The following DGKB variants were observed in gnomAD, a reference collection of about 807,000 sequenced individuals.
The protein encoded by DGKB is diacylglycerol kinase beta.
In DGKB, 67 loss-of-function variants were observed where a neutral mutation model predicts 114.3. The ratio of observed to expected loss-of-function variants is 0.59; its 90% CI spans 0.48 to 0.72. The LOEUF (loss-of-function observed/expected upper bound fraction) is 0.72, where lower values mean the gene tolerates loss of function less well. DGKB is among the 30% of genes least tolerant of loss of function. The pLI is 0.00. For missense variants in DGKB, 907 were observed against 975.2 expected, an observed-to-expected ratio of 0.93 and a Z score of 0.93; for synonymous variants, 398 against 323.1, an observed-to-expected ratio of 1.23 and a Z score of -2.49.
At chr7:14,875,257 T>C (rs1337861843) in intron 1 of DGKB, among the ~76,000 whole-genome samples, 1 of 152,164 alleles carries the variant, frequency 6.6e-6, no homozygotes, top group Non-Finnish European at 1.5e-5. Context: ...CATACCTCTA[T>C]ATTTATTTGC....
At chr7:14,260,087 TACAC>T (rs60392482) in intron 23 of DGKB, among the ~76,000 whole-genome samples, 91 of 150,838 alleles carry the variant, frequency 6.0e-4, no homozygotes, top group African/African-American at 1.2e-3. Context: ...TACATATGTG[TACAC>T]ACACACACAC....
intron 1 of DGKB, among the ~76,000 whole-genome samples, chr7:14,941,689 G>A (rs1381515040): frequency 5.9e-5 from 9 of 151,846 alleles, no homozygotes; most frequent in Non-Finnish European, 1.2e-4. Context: ...TTGAGAAACC[G>A]GGTAGCAAAA....
At chr7:14,626,456 C>T (rs1808607806) in intron 14 of DGKB, among the ~76,000 whole-genome samples, 1 of 152,198 alleles carries the variant, frequency 6.6e-6, no homozygotes, top group African/African-American at 2.4e-5. Context: ...AGCTAGGCCA[C>T]ATGAATTTTC....
At chr7:14,810,471 T>A (rs1004576743) in intron 2 of DGKB, among the ~76,000 whole-genome samples, 1 of 152,196 alleles carries the variant, frequency 6.6e-6, no homozygotes, top group African/African-American at 2.4e-5. Flanking sequence ...AGTAGCCATA[T>A]CAGAAACATA....
intron 2 of DGKB, among the ~76,000 whole-genome samples, chr7:14,794,959 T>C (rs1253703055): frequency 6.6e-6 from 1 of 152,116 alleles, no homozygotes; most frequent in African/African-American, 2.4e-5. Flanking sequence ...TGGCCTTACA[T>C]TGCCTAAGGA....
intron 23 of DGKB, among the ~76,000 whole-genome samples, chr7:14,185,427 A>G (rs1438531105): frequency 2.6e-5 from 4 of 152,188 alleles, no homozygotes; most frequent in Non-Finnish European, 4.4e-5. Flanking sequence ...ATATTGTGAA[A>G]ATGACCATAC....
At position 14,689,211 on chromosome 7, in the gene DGKB, T is replaced by TTTTTTTTTA. The variant is rs1563917722; in HGVS notation, c.712-3850_712-3849insTAAAAAAAA. On this transcript the variant is annotated intron_variant, in intron 9 of 25. Transcript: ENST00000402815. Reference sequence around the variant, plus strand: ...AGAAACTCCTCTTATTTTTTTTTTTTTTTTTTTTTTTTTGAGAGGAGTCTC... The same window carrying TTTTTTTTTA: ...AGAAACTCCTCTTATTTTTTTTTTTTTTTTTTTTATTTTTTTTTTTTTGAGAGGAGTCTC... Among the ~76,000 whole-genome samples the TTTTTTTTTA allele has an allele frequency of 1.4e-4, 18 of 129,784 alleles. 1 individual carries two copies. The East Asian group carries it at 1.8e-3, about 13-fold the overall frequency. 85.1% of individuals were successfully genotyped at this position (129,784 alleles called of 152,430 possible).
chr7:14,246,633 C>G (rs955334529), intron 23 of DGKB, among the ~76,000 whole-genome samples: 2 of 152,088 alleles, frequency 1.3e-5, no homozygotes, highest in African/African-American at 4.8e-5. Context: ...GTAACTTTAG[C>G]AAATGTGGCT....
At chr7:14,404,510 A>T (rs1294664368) in intron 21 of DGKB, among the ~76,000 whole-genome samples, 2 of 151,958 alleles carry the variant, frequency 1.3e-5, no homozygotes, top group Admixed American at 6.6e-5. Flanking sequence ...CTTAAAACAA[A>T]TTATAACTCA....
chr7:14,518,771 C>A (rs1222151187), intron 20 of DGKB, among the ~76,000 whole-genome samples: 1 of 151,394 alleles, frequency 6.6e-6, no homozygotes, highest in African/African-American at 2.4e-5. Context: ...TTCCCAAGAA[C>A]AGAGAGAATT....
intron 2 of DGKB, among the ~76,000 whole-genome samples, chr7:14,840,589 A>C (rs1003038772): frequency 5.9e-5 from 9 of 152,124 alleles, no homozygotes; most frequent in Admixed American, 2.0e-4. Flanking sequence ...CAATGCACAC[A>C]CTAAAAGAGT....
intron 23 of DGKB, among the ~76,000 whole-genome samples, chr7:14,233,996 A>C (rs1792347268): frequency 6.6e-6 from 1 of 152,054 alleles, no homozygotes; most frequent in South Asian, 2.1e-4. Context: ...ATTCAACAAA[A>C]TAGTCCCAAA....
chr7:14,611,968 G>A (rs558617164), intron 16 of DGKB, among the ~76,000 whole-genome samples: 5 of 151,450 alleles, frequency 3.3e-5, no homozygotes, highest in Admixed American at 1.3e-4. Flanking sequence ...CTAACTGACT[G>A]TAAATAGTAA....
At chr7:14,834,684 C>A (rs1349907853) in intron 2 of DGKB, among the ~76,000 whole-genome samples, 1 of 152,124 alleles carries the variant, frequency 6.6e-6, no homozygotes, top group Non-Finnish European at 1.5e-5. Context: ...AAAAAATGAA[C>A]TTCTGTTGTG....
At chr7:14,611,147 A>G (rs1159891085) in intron 16 of DGKB, among the ~76,000 whole-genome samples, 1 of 152,092 alleles carries the variant, frequency 6.6e-6, no homozygotes, top group Non-Finnish European at 1.5e-5. Flanking sequence ...CTTCTTCTCT[A>G]AAGACTTCTT....
chr7:14,299,612 T>A lies in DGKB; in HGVS notation c.2122+38903A>T, dbSNP rs111674047. Among the ~76,000 whole-genome samples the A allele has an allele frequency of 5.9e-3, 891 of 152,208 alleles. 9 individuals are homozygous for A. The highest frequency in any genetic ancestry group is 0.018 in the African/African-American group (749 of 41,542). ...TGTTTTAGCCGCCCCTCACCCACAATGTATACCCATAGTGATAACATTTTC... is the reference window on the plus strand; with the variant it reads ...TGTTTTAGCCGCCCCTCACCCACAAAGTATACCCATAGTGATAACATTTTC... On this transcript the variant is annotated intron_variant, in intron 23 of 25. Coordinates refer to ENST00000402815, the MANE Select transcript of DGKB (RefSeq NM_001350709.2).
At chr7:14,356,834 T>A (rs1216808581) in intron 21 of DGKB, among the ~76,000 whole-genome samples, 1 of 152,206 alleles carries the variant, frequency 6.6e-6, no homozygotes, top group Non-Finnish European at 1.5e-5. Flanking sequence ...ACATCTTTAT[T>A]TCTGCCTTCA....
chr7:14,714,799 T>C (rs972031747), intron 6 of DGKB, among the ~76,000 whole-genome samples: 1 of 152,176 alleles, frequency 6.6e-6, no homozygotes, highest in African/African-American at 2.4e-5. Context: ...TGTCTGAAAT[T>C]AAGTGTGAAA....
At chr7:14,958,472 CACA>C (rs894948188) in intron 1 of DGKB, among the ~76,000 whole-genome samples, 1 of 149,230 alleles carries the variant, frequency 6.7e-6, no homozygotes, top group Non-Finnish European at 1.5e-5. Flanking sequence ...CACACACACA[CACA>C]CCCCGTCCAG....
Sources: allele counts gnomAD v4.1 joint callset (sites outside exome capture counted in the v4.1 genomes callset), GRCh38; gene constraint gnomAD v4.1.1; transcripts MANE v1.5; gene names NCBI Gene and HGNC (gene_info 2026-07-23, HGNC 2026-07-21).